MUSK: variants seen among roughly 807,000 people sequenced by gnomAD.
MUSK encodes muscle, skeletal receptor tyrosine-protein kinase.
In MUSK, 55 loss-of-function variants were observed where a neutral mutation model predicts 88.7. The ratio of observed to expected loss-of-function variants is 0.62; its 90% confidence interval spans 0.50 to 0.78. The LOEUF is 0.78. MUSK is among the 30% of genes least tolerant of loss of function. The pLI, the probability that MUSK is intolerant of heterozygous loss-of-function variation, is 0.00. For synonymous variants in MUSK, 387 were observed against 391.9 expected (o/e 0.99, Z 0.15); for missense variants, 1,015 against 1,074.3 (o/e 0.94, Z 0.77).
At chr9:110,776,790 C>T (rs1451414164) in intron 11 of MUSK, 135 bp downstream of exon 11, 2 of 723,052 alleles carry the variant, frequency 2.8e-6, no homozygotes, top group Non-Finnish European at 4.5e-6. Context: ...CCATACTCAT[C>T]CAGGGTATAA....
intron 2 of MUSK, among the ~76,000 whole-genome samples, chr9:110,686,562 T>G (rs2076198622): frequency 1.3e-5 from 2 of 152,176 alleles, no homozygotes; most frequent in Non-Finnish European, 2.9e-5. Context: ...AAATAGGTAA[T>G]ATATGTAAAG....
intron 9 of MUSK, among the ~76,000 whole-genome samples, chr9:110,768,890 C>T (rs1419019989): frequency 6.6e-6 from 1 of 152,070 alleles, no homozygotes; most frequent in Admixed American, 6.6e-5. Flanking sequence ...GTTAAACTCC[C>T]ATACTTTTTA....
chr9:110,694,332 G>A (rs1209462654), intron 3 of MUSK, among the ~76,000 whole-genome samples: 1 of 146,238 alleles, frequency 6.8e-6, no homozygotes, highest in Non-Finnish European at 1.5e-5. Context: ...CTTGCAGTGG[G>A]CCGAGATCGC....
intron 5 of MUSK, among the ~76,000 whole-genome samples, chr9:110,708,659 A>G (rs549960210): frequency 1.3e-4 from 20 of 152,282 alleles, no homozygotes; most frequent in African/African-American, 4.8e-4. Context: ...GTATGGTTTC[A>G]TCTAAAAAGT....
At position 110,690,139 on chromosome 9, in the gene MUSK, G is replaced by GTATAAATATAT. The variant is rs1258615022; in HGVS notation, c.358+2871_358+2872insTATAAATATAT. 2.9e-3 allele frequency among the ~76,000 whole-genome samples: 169 copies of GTATAAATATAT among 59,168 alleles called. 4 individuals are homozygous for GTATAAATATAT. Among genetic ancestry groups the GTATAAATATAT allele is most frequent in the African/African-American group, 0.017 (166 of 10,020 alleles). 38.8% of individuals were successfully genotyped at this position (59,168 alleles called of 152,430 possible). A position where few individuals can be genotyped will look rare whatever the true frequency, so the allele number is the denominator to read the frequency against. On this transcript the variant is annotated intron_variant, in intron 3 of 14. Transcript: ENST00000374448. ...TATATATTATATAAGTATAAATATAGAAATATATATTTAAGTATAAATATA... is the reference window on the plus strand; with the variant it reads ...TATATATTATATAAGTATAAATATAGTATAAATATATAAATATATATTTAAGTATAAATATA...
In MUSK at chr9:110,747,763, C is replaced by A; in HGVS notation, c.876C>A (p.Phe292Leu). 4 of 1,613,862 alleles carry A rather than the reference C, an allele frequency of 2.5e-6. No homozygotes were observed. Among genetic ancestry groups the A allele is most frequent in the Non-Finnish European group, 3.4e-6 (4 of 1,179,816 alleles). ...CIATNKHGEK[F>L]STAKAAATIS... ...CTACCAATAAGCATGGGGAGAAGTT[C>A]AGTACTGCCAAGGCTGCAGCCACCA... The change falls in exon 7 of 15, where the codon TTC becomes TTA. Residue 292 changes from phenylalanine (F) to leucine (L), a missense_variant. Physicochemically the swap from Phe to Leu is conservative, Grantham distance 22. Coordinates refer to ENST00000374448, the MANE Select transcript of MUSK (RefSeq NM_005592.4).
chr9:110,718,509 C>G (rs1053134195), intron 5 of MUSK, among the ~76,000 whole-genome samples: 43 of 151,894 alleles, frequency 2.8e-4, no homozygotes, highest in African/African-American at 1.0e-3. Context: ...AAGGCTTGAA[C>G]TAACCAAATC....
intron 2 of MUSK, among the ~76,000 whole-genome samples, chr9:110,684,994 G>A (rs950319354): frequency 3.3e-5 from 5 of 151,986 alleles, no homozygotes; most frequent in African/African-American, 1.2e-4. Flanking sequence ...GGACTTCCAG[G>A]ACTGTGTTGA....
chr9:110,744,206 A>G (rs1448343759), intron 6 of MUSK, among the ~76,000 whole-genome samples: 1 of 152,130 alleles, frequency 6.6e-6, no homozygotes, highest in African/African-American at 2.4e-5. Context: ...TAACCTCGTG[A>G]TCTGCCTGCC....
intron 5 of MUSK, among the ~76,000 whole-genome samples, chr9:110,732,078 C>CA (rs2076971851): frequency 6.6e-6 from 1 of 152,062 alleles, no homozygotes; most frequent in Admixed American, 6.6e-5. Context: ...GGCTTTCATT[C>CA]AAAAGGCGTT....
intron 1 of MUSK, among the ~76,000 whole-genome samples, chr9:110,671,404 C>G (rs2075955150): frequency 1.3e-5 from 2 of 152,112 alleles, no homozygotes. Flanking sequence ...TTCCTAAGTC[C>G]TTTATCATGA....
intron 13 of MUSK, 147 bp downstream of exon 13, chr9:110,785,865 A>G (rs1437641143): frequency 3.5e-5 from 16 of 454,404 alleles, no homozygotes; most frequent in African/African-American, 5.9e-5. Flanking sequence ...ATGATATAGT[A>G]CATATATATG....
intron 5 of MUSK, among the ~76,000 whole-genome samples, chr9:110,713,095 C>T (rs1447280487): frequency 1.3e-5 from 2 of 151,938 alleles, no homozygotes; most frequent in African/African-American, 2.4e-5. Context: ...TCAGATTTAC[C>T]ATGCAAGCAC....
rs192022411 is a variant in MUSK at position 110,712,984 on chromosome 9, G to A, written c.628+15518G>A. Among the ~76,000 whole-genome samples the A allele has an allele frequency of 2.0e-5, 3 of 152,270 alleles. No individual in the cohort carries two copies. In the East Asian group the frequency reaches 5.8e-4, roughly 29 times the overall value. ...TAGGGAAAGGTCAGGGAAATCTTCA[G>A]AGAGGTGAAGGCCAACAGGGCTTTG... On this transcript the variant is annotated intron_variant, in intron 5 of 14. Coordinates refer to ENST00000374448, the MANE Select transcript of MUSK (RefSeq NM_005592.4).
At chr9:110,722,510 A>T (rs527884530) in intron 5 of MUSK, among the ~76,000 whole-genome samples, 3 of 152,064 alleles carry the variant, frequency 2.0e-5, no homozygotes, top group African/African-American at 7.2e-5. Context: ...AGCCTGGGCA[A>T]CAGAGCGAGA....
At chr9:110,751,370 G>C (rs1292613232) in intron 7 of MUSK, among the ~76,000 whole-genome samples, 2 of 152,110 alleles carry the variant, frequency 1.3e-5, no homozygotes, top group Non-Finnish European at 2.9e-5. Flanking sequence ...TGTAGGGAGA[G>C]GTCATCTTAG....
At chr9:110,758,293 G>A (rs1250025082) in intron 7 of MUSK, among the ~76,000 whole-genome samples, 1 of 152,152 alleles carries the variant, frequency 6.6e-6, no homozygotes, top group East Asian at 1.9e-4. Flanking sequence ...AATGCAAAAT[G>A]TGCATCATTT....
intron 6 of MUSK, among the ~76,000 whole-genome samples, chr9:110,735,524 A>G (rs1395706083): frequency 1.3e-5 from 2 of 152,124 alleles, no homozygotes; most frequent in Non-Finnish European, 2.9e-5. Context: ...GGAGATAGAG[A>G]GTAGAATGAT....
chr9:110,721,665 G>C (rs1050061597), intron 5 of MUSK, among the ~76,000 whole-genome samples: 14 of 152,030 alleles, frequency 9.2e-5, no homozygotes, highest in African/African-American at 3.4e-4. Context: ...TGACCATACT[G>C]CCTAAAGCAA....
Sources: gnomAD v4.1 joint callset for allele counts (sites outside exome capture counted in the v4.1 genomes callset) on GRCh38, gnomAD v4.1.1 for gene constraint, MANE v1.5 for transcripts, NCBI Gene and HGNC (gene_info 2026-07-23, HGNC 2026-07-21) for gene names.